The following MAP2K4 variants were observed in gnomAD, a reference collection of about 807,000 sequenced individuals.
MAP2K4 encodes dual specificity mitogen-activated protein kinase kinase 4.
In MAP2K4, 4 loss-of-function variants were observed where a neutral mutation model predicts 48.5. The ratio of observed to expected loss-of-function variants is 0.08; its 90% confidence interval spans 0.04 to 0.19. The LOEUF (loss-of-function observed/expected upper bound fraction) is 0.19, where lower values mean the gene tolerates loss of function less well. Ranked by LOEUF, MAP2K4 falls within the 10% of genes least tolerant of loss-of-function variation. The probability of loss-of-function intolerance (pLI) is 1.00; values close to 1 mark genes in which losing one functional copy is unlikely to be tolerated. For missense variants in MAP2K4, 258 were observed against 493.3 expected, an observed-to-expected ratio of 0.52 and a Z score of 4.52; for synonymous variants, 166 against 173.1, an observed-to-expected ratio of 0.96 and a Z score of 0.32.
chr17:12,103,851 AGT>A (rs1972022207), intron 4 of MAP2K4, among the ~76,000 whole-genome samples: 1 of 152,136 alleles, frequency 6.6e-6, no homozygotes, highest in Admixed American at 6.5e-5. Flanking sequence ...ATACAGATTT[AGT>A]TAATTTATTT....
intron 3 of MAP2K4, among the ~76,000 whole-genome samples, chr17:12,093,128 A>G (rs1165558983): frequency 6.6e-6 from 1 of 152,224 alleles, no homozygotes; most frequent in Non-Finnish European, 1.5e-5. Flanking sequence ...AAATGTTCAG[A>G]GAATGTGGGG....
intron 7 of MAP2K4, among the ~76,000 whole-genome samples, chr17:12,119,160 A>G (rs1411305512): frequency 2.6e-5 from 4 of 152,236 alleles, no homozygotes; most frequent in African/African-American, 4.8e-5. Context: ...GCCCATAGAC[A>G]AAGTGCACAT....
In MAP2K4 at chr17:12,103,992, C is replaced by T. The variant is rs1328379526; in HGVS notation, c.514-3798C>T. 2.6e-4 allele frequency among the ~76,000 whole-genome samples: 39 copies of T among 152,140 alleles called. 1 individual carries two copies. The highest frequency in any genetic ancestry group is 2.2e-3 in the Admixed American group (34 of 15,264). ...AAAAATGAAGAATTGTTTTGCATGT[C>T]TCTTTGACAACTTAGGTTACAGATT... On this transcript the variant is annotated intron_variant, in intron 4 of 10. Coordinates refer to ENST00000353533, the MANE Select transcript of MAP2K4 (RefSeq NM_003010.4).
intron 7 of MAP2K4, among the ~76,000 whole-genome samples, chr17:12,123,276 A>G (rs573425480): frequency 6.6e-6 from 1 of 152,340 alleles, no homozygotes; most frequent in East Asian, 1.9e-4. Flanking sequence ...AATAACATTC[A>G]TTAAGTAACA....
chr17:12,062,175 C>T (rs997768001), intron 2 of MAP2K4, among the ~76,000 whole-genome samples: 2 of 151,776 alleles, frequency 1.3e-5, no homozygotes, highest in African/African-American at 4.8e-5. Flanking sequence ...TTGTGAATGC[C>T]TGATTCTGAT....
chr17:12,021,132 C>G (rs1969023222), intron 1 of MAP2K4, 131 bp downstream of exon 1: 2 of 474,876 alleles, frequency 4.2e-6, no homozygotes, highest in Non-Finnish European at 6.5e-6. Context: ...CCCTCTCTCC[C>G]TCCCCGGCTT....
In MAP2K4 at chr17:12,081,897, G is replaced by A. The variant is rs1486636363; in HGVS notation, c.393+367G>A. On this transcript the variant is annotated intron_variant, in intron 3 of 10. Transcript: ENST00000353533. The surrounding 1 kb of genome is among the most constrained non-coding windows in gnomAD (Gnocchi z 4.2). ...AGCTGGAAGAAGACGCAGCACACTG[G>A]GTTGGGCAAGGTGCGGGGCTAGGGC... is the stretch of plus-strand genomic sequence containing the variant. 1 of 539,544 alleles carries A rather than the reference G, an allele frequency of 1.9e-6. No individual in the cohort carries two copies. Among genetic ancestry groups the A allele is most frequent in the Non-Finnish European group, 3.8e-6 (1 of 263,802 alleles). 33.4% of individuals were successfully genotyped at this position (539,544 alleles called of 1,614,324 possible).
intron 4 of MAP2K4, among the ~76,000 whole-genome samples, chr17:12,099,134 C>T (rs143800697): frequency 1.1e-4 from 17 of 151,406 alleles, no homozygotes; most frequent in African/African-American, 2.9e-4. Flanking sequence ...CCCTTATAAG[C>T]GAGAACATGC....
intron 2 of MAP2K4, among the ~76,000 whole-genome samples, chr17:12,068,114 A>G (rs1970673992): frequency 6.6e-6 from 1 of 152,146 alleles, no homozygotes; most frequent in Non-Finnish European, 1.5e-5. Context: ...CTTGTCATGG[A>G]ATGGAAGGAA....
rs559891275 is a variant in MAP2K4 at position 12,046,571 on chromosome 17, T to C, written c.116-8318T>C. On this transcript the variant is annotated intron_variant, in intron 1 of 10. Coordinates refer to ENST00000353533, the MANE Select transcript of MAP2K4 (RefSeq NM_003010.4). ...AGTCTGATAGAAAGTGTTGCTGTTA[T>C]TGGCTTTAAGTGATAGCTCAAAGGT... Among the ~76,000 whole-genome samples the C allele has an allele frequency of 5.3e-5, 8 of 152,258 alleles. No individual in the cohort carries two copies. In the South Asian group the frequency reaches 6.2e-4, roughly 12 times the overall value.
intron 4 of MAP2K4, 78 bp downstream of exon 4, chr17:12,095,772 C>G: frequency 6.8e-7 from 1 of 1,460,046 alleles, no homozygotes; most frequent in South Asian, 1.2e-5. Flanking sequence ...CGATTCTATT[C>G]TTAAATGCCA....
Position 12,081,371 on chromosome 17 carries a change from A to T in MAP2K4, c.234A>T (p.Thr78=). The T allele has an allele frequency of 6.2e-7, 1 of 1,611,704 alleles. No homozygotes were observed. The highest frequency in any genetic ancestry group is 1.1e-5 in the South Asian group (1 of 90,422). The change falls in exon 3 of 11, where the codon ACA becomes ACT. Residue 78 remains threonine (T), a synonymous_variant. Transcript: ENST00000353533. This position sits in a 1 kb window ranked among gnomAD's most constrained non-coding sequence, Gnocchi z 4.2. ...VQNPHIERLR[T]HSIESSGKLK... ...ATTTTAACAGAGAGAGACTGAGAAC[A>T]CACAGCATTGAGTCATCAGGAAAAC...
intron 4 of MAP2K4, among the ~76,000 whole-genome samples, chr17:12,104,808 A>G (rs1972053727): frequency 6.6e-6 from 1 of 152,244 alleles, no homozygotes; most frequent in Non-Finnish European, 1.5e-5. Flanking sequence ...GTTCTTGGGA[A>G]AAATTTTTTT....
At chr17:12,078,044 C>T (rs941489412) in intron 2 of MAP2K4, among the ~76,000 whole-genome samples, 1 of 152,188 alleles carries the variant, frequency 6.6e-6, no homozygotes, top group Non-Finnish European at 1.5e-5. Context: ...GCCCTGTCTT[C>T]AGTACAGTCA....
At chr17:12,132,554 C>T (rs571957501) in intron 9 of MAP2K4, among the ~76,000 whole-genome samples, 2 of 151,146 alleles carry the variant, frequency 1.3e-5, no homozygotes, top group East Asian at 2.0e-4. Flanking sequence ...CTTTTTAGTT[C>T]TGCACTTAGG....
intron 2 of MAP2K4, among the ~76,000 whole-genome samples, chr17:12,064,597 A>G (rs1210892938): frequency 1.3e-5 from 2 of 152,248 alleles, no homozygotes; most frequent in Non-Finnish European, 2.9e-5. Flanking sequence ...TGGTGTAAGC[A>G]GAATTCTCCT....
chr17:12,134,571 T>C (rs1465092015), intron 9 of MAP2K4, among the ~76,000 whole-genome samples: 18 of 152,192 alleles, frequency 1.2e-4, no homozygotes. Context: ...ATCCAAAATA[T>C]TCTATTTAGC....
chr17:12,027,399 A>T (rs961186210), intron 1 of MAP2K4, among the ~76,000 whole-genome samples: 1 of 152,172 alleles, frequency 6.6e-6, no homozygotes, highest in Non-Finnish European at 1.5e-5. Context: ...TTCGAGCTAT[A>T]TTGTATTTCA....
intron 5 of MAP2K4, among the ~76,000 whole-genome samples, chr17:12,109,592 G>A (rs936858689): frequency 1.3e-5 from 2 of 152,124 alleles, no homozygotes; most frequent in African/African-American, 4.8e-5. Context: ...TTCTGATCAT[G>A]ATCAGTGACC....
Sources: gnomAD v4.1 joint callset for allele counts (sites outside exome capture counted in the v4.1 genomes callset) on GRCh38, gnomAD v4.1.1 for gene constraint, Gnocchi (gnomAD v3.1) non-coding constraint, MANE v1.5 for transcripts, NCBI Gene and HGNC (gene_info 2026-07-23, HGNC 2026-07-21) for gene names.